The following STARD13 variants were observed in gnomAD, a reference collection of about 807,000 sequenced individuals.
STARD13 encodes stAR-related lipid transfer protein 13.
Under a neutral mutation model 106.4 loss-of-function variants are expected in STARD13, and 62 were observed. That is an observed-to-expected ratio of 0.58 (90% CI 0.48 to 0.72). The LOEUF (loss-of-function observed/expected upper bound fraction) is 0.72. Ranked by LOEUF, STARD13 falls within the 30% of genes least tolerant of loss-of-function variation. STARD13 has a pLI of 0.00. For missense variants in STARD13, 1,387 were observed against 1,424.0 expected (o/e 0.97, Z 0.42); for synonymous variants, 565 against 553.0 (o/e 1.02, Z -0.31).
chr13:33,264,501 C>G (rs1045940058), intron 1 of STARD13, among the ~76,000 whole-genome samples: 1 of 152,146 alleles, frequency 6.6e-6, no homozygotes, highest in Non-Finnish European at 1.5e-5. Flanking sequence ...ATTAGGGTCA[C>G]GTATTTCATC....
chr13:33,115,630 A>G (rs1875256929), intron 8 of STARD13, among the ~76,000 whole-genome samples: 1 of 152,198 alleles, frequency 6.6e-6, no homozygotes, highest in Non-Finnish European at 1.5e-5. Flanking sequence ...GGGATGAACC[A>G]TGCTGCCCTA....
the STARD13 span, among the ~76,000 whole-genome samples, chr13:33,494,756 A>G: frequency 2.6e-5 from 4 of 152,064 alleles, no homozygotes; most frequent in Non-Finnish European, 4.4e-5. Flanking sequence ...TAGCTAGCAC[A>G]ATGAGAATGA....
chr13:33,310,630 A>T (rs572292234), intron 1 of STARD13, among the ~76,000 whole-genome samples: 1 of 152,240 alleles, frequency 6.6e-6, no homozygotes, highest in South Asian at 2.1e-4. Context: ...TTTCTTATTC[A>T]CCTTGAATAA....
the STARD13 span, among the ~76,000 whole-genome samples, chr13:33,663,878 C>T: frequency 6.6e-6 from 1 of 152,172 alleles, no homozygotes; most frequent in Non-Finnish European, 1.5e-5. Flanking sequence ...GTTCAGCTTC[C>T]GCCTTACTTG....
intron 3 of STARD13, among the ~76,000 whole-genome samples, chr13:33,150,937 G>C (rs1390083675): frequency 1.3e-5 from 2 of 152,252 alleles, no homozygotes; most frequent in East Asian, 1.9e-4. Context: ...TTAGGTGCTG[G>C]GAATACAGTA....
intron 1 of STARD13, among the ~76,000 whole-genome samples, chr13:33,195,982 T>C (rs955757636): frequency 2.0e-5 from 3 of 152,312 alleles, no homozygotes; most frequent in South Asian, 2.1e-4. Context: ...AGGGAGGTAA[T>C]AGACACTTAG....
chr13:33,457,020 C>A, the STARD13 span, among the ~76,000 whole-genome samples: 5 of 152,318 alleles, frequency 3.3e-5, no homozygotes, highest in African/African-American at 1.2e-4. Flanking sequence ...GCCCCCAGGG[C>A]AAAGGAACTA....
upstream of STARD13, among the ~76,000 whole-genome samples, chr13:33,288,036 T>C (rs959491980): frequency 6.6e-6 from 1 of 152,060 alleles, no homozygotes; most frequent in Admixed American, 6.6e-5. Flanking sequence ...CATTCTATTA[T>C]GAAAACAAGT....
At chr13:33,548,947 G>A in the STARD13 span, among the ~76,000 whole-genome samples, 3 of 151,642 alleles carry the variant, frequency 2.0e-5, no homozygotes, top group African/African-American at 4.8e-5. Flanking sequence ...ATCTAATCTC[G>A]GGATAGAAAA....
Position 33,112,776 on chromosome 13 carries a change from AC to A in STARD13, c.2436del (p.Cys813ValfsTer12). The A allele has an allele frequency of 6.2e-7, 1 of 1,613,446 alleles. No homozygotes were observed. On this transcript the variant is annotated frameshift_variant, in exon 9 of 14. Coordinates refer to ENST00000336934, the MANE Select transcript of STARD13 (RefSeq NM_178006.4). LOFTEE classifies it high-confidence loss of function. ...ENQMTPMNLA[V>X]CLAPSLFHLN... is the part of the protein sequence containing the mutation. ...AGATGAAAGAGGGAGGGGGCCAGAC[AC>A]ACTGCCAGGTTCATGGGCGTCATCT...
intron 1 of STARD13, among the ~76,000 whole-genome samples, chr13:33,262,662 A>ACACACACAACACACACAC (rs5802678): frequency 1.1e-4 from 13 of 114,986 alleles, no homozygotes; most frequent in African/African-American, 3.3e-4. Flanking sequence ...ACACACACAC[A>ACACACACAACACACACAC]ACACACACAC....
chr13:33,592,308 A>G, the STARD13 span, among the ~76,000 whole-genome samples: 1 of 152,216 alleles, frequency 6.6e-6, no homozygotes, highest in Admixed American at 6.5e-5. Flanking sequence ...AGTTTGTATC[A>G]GTTTTCAAGT....
intron 1 of STARD13, among the ~76,000 whole-genome samples, chr13:33,230,221 C>T (rs1385851757): frequency 6.6e-6 from 1 of 152,218 alleles, no homozygotes; most frequent in African/African-American, 2.4e-5. Flanking sequence ...GAAAAGTATT[C>T]AGCTGCAACA....
the STARD13 span, among the ~76,000 whole-genome samples, chr13:33,586,408 A>T: frequency 6.6e-6 from 1 of 152,134 alleles, no homozygotes; most frequent in Non-Finnish European, 1.5e-5. Flanking sequence ...GTCCCCAGGC[A>T]TGACTCTACA....
intron 1 of STARD13, among the ~76,000 whole-genome samples, chr13:33,294,477 T>G (rs1892414216): frequency 6.6e-6 from 1 of 152,234 alleles, no homozygotes. Flanking sequence ...ACTGTGTTCA[T>G]GTAGCTTCAT....
At chr13:33,319,409 G>A (rs911607762) in intron 1 of STARD13, among the ~76,000 whole-genome samples, 1 of 152,146 alleles carries the variant, frequency 6.6e-6, no homozygotes, top group Non-Finnish European at 1.5e-5. Flanking sequence ...TTGCAAATAG[G>A]CATGGGTTGC....
chr13:33,240,972 C>T (rs1166546253), intron 1 of STARD13, among the ~76,000 whole-genome samples: 1 of 152,088 alleles, frequency 6.6e-6, no homozygotes, highest in Non-Finnish European at 1.5e-5. Flanking sequence ...TTGGTGGAGT[C>T]TTTATTGTTT....
chr13:33,471,459 C>A, the STARD13 span, among the ~76,000 whole-genome samples: 6 of 152,236 alleles, frequency 3.9e-5, no homozygotes, highest in African/African-American at 1.2e-4. Flanking sequence ...ACTCCCAATT[C>A]TTTTTTATTT....
intron 1 of STARD13, among the ~76,000 whole-genome samples, chr13:33,199,912 C>T (rs1246745470): frequency 6.6e-6 from 1 of 152,204 alleles, no homozygotes; most frequent in Non-Finnish European, 1.5e-5. Context: ...ATAATAAGCA[C>T]ATGTGGGAAG....
Sources: gnomAD v4.1 joint callset for allele counts (sites outside exome capture counted in the v4.1 genomes callset) on GRCh38, gnomAD v4.1.1 for gene constraint, MANE v1.5 for transcripts, NCBI Gene and HGNC (gene_info 2026-07-23, HGNC 2026-07-21) for gene names.